JADE3: variants seen among roughly 807,000 people sequenced by gnomAD.
JADE3 encodes the protein protein Jade-3.
JADE3 carries 2 observed loss-of-function variants against 50.1 expected under a neutral mutation model. The ratio of observed to expected loss-of-function variants is 0.04; its 90% CI spans 0.02 to 0.13. The LOEUF (loss-of-function observed/expected upper bound fraction) is 0.13, where lower values mean the gene tolerates loss of function less well. JADE3 is among the 10% of genes least tolerant of loss of function. The probability of loss-of-function intolerance (pLI) is 1.00; values close to 1 mark genes in which losing one functional copy is unlikely to be tolerated. For missense variants in JADE3, 475 were observed against 634.4 expected, an observed-to-expected ratio of 0.75 and a Z score of 2.70; for synonymous variants, 218 against 232.9, an observed-to-expected ratio of 0.94 and a Z score of 0.58.
rs1929195992 is a variant in JADE3, at chrX:47,038,998, A to C, written c.905A>C (p.His302Pro). 8.3e-7 allele frequency: 1 copy of C among 1,202,532 alleles called. No individual in the cohort carries two copies. The highest frequency in any genetic ancestry group is 2.2e-5 in the Admixed American group (1 of 45,480). ...ERMEPITKIS[H>P]IPPSRWALVC... is the part of the protein sequence containing the mutation. ...ATGGAACCGATCACGAAGATCTCCC[A>C]CATCCCACCCAGTCGGTGGGCCTTA... The change falls in exon 8 of 11, where the codon CAC becomes CCC. Residue 302 changes from histidine (H) to proline (P), a missense_variant. By Grantham distance (77) the His-to-Pro change is moderately conservative. Transcript: ENST00000614628.
chrX:46,985,937 A>G (rs1927852038), intron 3 of JADE3, 145 bp downstream of exon 3: 1 of 445,526 alleles, frequency 2.2e-6, no homozygotes, highest in Non-Finnish European at 3.9e-6. Context: ...CCTCATAAAT[A>G]GATTAATGCC....
chrX:46,988,027 A>G (rs1311507645), intron 3 of JADE3, among the ~76,000 whole-genome samples: 1 of 112,159 alleles, frequency 8.9e-6, no homozygotes, highest in African/African-American at 3.2e-5. Context: ...CATGGACATT[A>G]TCATACCTAT....
chrX:46,938,974 C>G (rs1926693505), intron 1 of JADE3, among the ~76,000 whole-genome samples: 1 of 112,111 alleles, frequency 8.9e-6, no homozygotes, highest in African/African-American at 3.2e-5. Context: ...ACTACAGGCA[C>G]GTGCCACCAT....
Position 46,918,077 on chromosome X carries a change from AAG to A in JADE3, c.-12+5361_-12+5362del, listed in dbSNP as rs782569447. 3.1e-3 allele frequency among the ~76,000 whole-genome samples: 350 copies of A among 111,660 alleles called. 2 individuals carry two copies. Among genetic ancestry groups the A allele is most frequent in the Non-Finnish European group, 4.4e-3 (231 of 53,090 alleles). ...ATCGACTGCCATTAACATGGCTAAAAAGAGTTTCTATGATGCTGGAAGAAGCT... is the reference window on the plus strand; with the variant it reads ...ATCGACTGCCATTAACATGGCTAAAAAGTTTCTATGATGCTGGAAGAAGCT... On this transcript the variant is annotated intron_variant, in intron 1 of 10. Transcript: ENST00000614628.
intron 1 of JADE3, among the ~76,000 whole-genome samples, chrX:46,974,211 C>T (rs112150783): frequency 1.8e-5 from 2 of 111,716 alleles, no homozygotes; most frequent in African/African-American, 6.5e-5. Flanking sequence ...CGAGACCAGC[C>T]TGACCAACAT....
At chrX:46,921,876 A>G (rs1190004230) in intron 1 of JADE3, among the ~76,000 whole-genome samples, 2 of 105,963 alleles carry the variant, frequency 1.9e-5, no homozygotes, top group African/African-American at 6.9e-5. Flanking sequence ...GTACTCCACC[A>G]TTGCCTGGCT....
At chrX:47,001,169 A>G (rs782114377) in intron 4 of JADE3, among the ~76,000 whole-genome samples, 3 of 111,756 alleles carry the variant, frequency 2.7e-5, no homozygotes, top group Non-Finnish European at 5.6e-5. Flanking sequence ...GAAAATATCA[A>G]TAAGACTTGT....
Position 46,984,118 on chromosome X carries a change from T to C in JADE3, c.-11-766T>C, listed in dbSNP as rs782379595. ...CTTTTCAAGTTTACATTTTCAGCAC[T>C]TCGTTTGTGACTTAAAGTGCTTAAC... is the stretch of plus-strand genomic sequence containing the variant. On this transcript the variant is annotated intron_variant, in intron 1 of 10. Transcript: ENST00000614628. Among the ~76,000 whole-genome samples, 9 of 112,250 alleles carry C rather than the reference T, an allele frequency of 8.0e-5. No individual in the cohort carries two copies. The East Asian group carries it at 2.2e-3, about 28-fold the overall frequency.
chrX:47,053,964 GC>G (rs1411355787), intron 8 of JADE3, among the ~76,000 whole-genome samples, 193 bp from the exon 9 acceptor site: 1 of 111,270 alleles, frequency 9.0e-6, no homozygotes, highest in Non-Finnish European at 1.9e-5. Context: ...ATTATTTTTG[GC>G]CTCTGTGTTT....
rs957136815 is a variant in JADE3, at chrX:47,033,617, C to G, written c.688-4C>G. On this transcript the variant is annotated splice_region_variant and splice_polypyrimidine_tract_variant and intron_variant, in intron 6 of 10. Transcript: ENST00000614628. ...ATTCTCCCCTCTCCTCCTCATACCTCCAGGCCTGCTATGGCATCCTCAAGG... is the reference window on the plus strand; with the variant it reads ...ATTCTCCCCTCTCCTCCTCATACCTGCAGGCCTGCTATGGCATCCTCAAGG... 4 of 1,203,398 alleles carry G rather than the reference C, an allele frequency of 3.3e-6. No individual in the cohort carries two copies. Among genetic ancestry groups the G allele is most frequent in the Non-Finnish European group, 4.5e-6 (4 of 890,515 alleles).
intron 1 of JADE3, among the ~76,000 whole-genome samples, chrX:46,935,952 C>A (rs1926611162): frequency 9.9e-6 from 1 of 100,928 alleles, no homozygotes; most frequent in Non-Finnish European, 2.0e-5. Flanking sequence ...CCTGAGATTA[C>A]AGGTATGAGC....
At chrX:47,015,720 CTT>C (rs1170777560) in intron 4 of JADE3, among the ~76,000 whole-genome samples, 24 of 84,038 alleles carry the variant, frequency 2.9e-4, no homozygotes, top group African/African-American at 7.7e-4. Flanking sequence ...GTCTCAGCAT[CTT>C]TTTTTTTTTT....
At chrX:47,008,881 A>G (rs1426754081) in intron 4 of JADE3, among the ~76,000 whole-genome samples, 1 of 111,487 alleles carries the variant, frequency 9.0e-6, no homozygotes, top group African/African-American at 3.3e-5. Context: ...AACTTTATAC[A>G]TTTAAGATAT....
intron 1 of JADE3, among the ~76,000 whole-genome samples, chrX:46,960,253 A>AG (rs1477609801): frequency 8.2e-5 from 9 of 109,641 alleles, no homozygotes; most frequent in South Asian, 4.0e-4. Context: ...AAAAAAAAAA[A>AG]TGTTATCATA....
intron 1 of JADE3, among the ~76,000 whole-genome samples, chrX:46,984,261 G>C (rs1329294581): frequency 1.8e-5 from 2 of 112,083 alleles, no homozygotes; most frequent in Admixed American, 1.9e-4. Context: ...GGAAGTTTTA[G>C]TCCAAAGCAT....
intron 3 of JADE3, among the ~76,000 whole-genome samples, chrX:46,990,165 A>G (rs782295047): frequency 8.9e-6 from 1 of 111,954 alleles, no homozygotes; most frequent in East Asian, 2.8e-4. Flanking sequence ...AGATAATTCT[A>G]ACATCTGTGG....
chrX:46,998,351 A>C (rs1225485360), intron 4 of JADE3, 74 bp downstream of exon 4: 2 of 939,103 alleles, frequency 2.1e-6, no homozygotes, highest in Admixed American at 2.4e-5. Context: ...GGAGAAACTT[A>C]GAGTGGCTAA....
chrX:47,022,813 T>G (rs1387356634), intron 4 of JADE3, among the ~76,000 whole-genome samples: 2 of 110,829 alleles, frequency 1.8e-5, no homozygotes, highest in Non-Finnish European at 3.8e-5. Context: ...TGAAAAAAAT[T>G]TATTTTTTTC....
chrX:47,046,080 C>G (rs1241946040), intron 8 of JADE3, among the ~76,000 whole-genome samples: 2 of 109,946 alleles, frequency 1.8e-5, no homozygotes, highest in African/African-American at 6.6e-5. Flanking sequence ...AAAAGATCAA[C>G]AAAACAAAAA....
Sources: allele counts gnomAD v4.1 joint callset (sites outside exome capture counted in the v4.1 genomes callset), GRCh38; gene constraint gnomAD v4.1.1; transcripts MANE v1.5; gene names NCBI Gene and HGNC (gene_info 2026-07-23, HGNC 2026-07-21).